The following GPI variants were observed in gnomAD, a reference collection of about 807,000 sequenced individuals.
GPI encodes D-hexose-6-phosphate anomerase.
Under a neutral mutation model 75.8 loss-of-function variants are expected in GPI, and 56 were observed. That is an observed-to-expected ratio of 0.74 (90% CI 0.60 to 0.92). GPI has a LOEUF of 0.92. GPI is among the 40% of genes least tolerant of loss of function. The pLI is 0.00. For synonymous variants in GPI, 288 were observed against 285.4 expected, an observed-to-expected ratio of 1.01 and a Z score of -0.09; for missense variants, 638 against 741.0, an observed-to-expected ratio of 0.86 and a Z score of 1.61.
At chr19:34,374,558 G>GT (rs1444776298) in intron 4 of GPI, among the ~76,000 whole-genome samples, 2 of 152,140 alleles carry the variant, frequency 1.3e-5, no homozygotes, top group African/African-American at 2.4e-5. Context: ...AAGTACAGGT[G>GT]TAGTAGTACC....
intron 4 of GPI, 111 bp from the exon 5 acceptor site, chr19:34,377,392 C>T (rs968595507): frequency 2.9e-5 from 19 of 646,862 alleles, no homozygotes; most frequent in East Asian, 2.3e-4. Context: ...GAGGCACCTG[C>T]GAGGGCCTGA....
At chr19:34,387,369 G>A (rs1053256780) in intron 9 of GPI, among the ~76,000 whole-genome samples, 1 of 152,174 alleles carries the variant, frequency 6.6e-6, no homozygotes, top group Non-Finnish European at 1.5e-5. Flanking sequence ...TGAGTCTGTG[G>A]ATCCAGGCTC....
intron 6 of GPI, among the ~76,000 whole-genome samples, chr19:34,378,660 C>T (rs937810783): frequency 3.9e-5 from 6 of 152,298 alleles, no homozygotes; most frequent in Non-Finnish European, 5.9e-5. Flanking sequence ...CAGCCTGGGC[C>T]GAAGAGAGCC....
chr19:34,368,536 C>T (rs761835706), intron 3 of GPI, 47 bp from the exon 4 acceptor site: 1 of 1,612,062 alleles, frequency 6.2e-7, no homozygotes. Flanking sequence ...AGCATGGCTG[C>T]CTGGGGTTGG....
At position 34,400,720 on chromosome 19, in the gene GPI, G is replaced by A. The variant is rs1421151729; in HGVS notation, c.*684G>A. 1 of 400,492 alleles carries A rather than the reference G, an allele frequency of 2.5e-6. No homozygotes were observed. Among genetic ancestry groups the A allele is most frequent in the Admixed American group, 4.3e-5 (1 of 23,120 alleles). 24.8% of individuals were successfully genotyped at this position (400,492 alleles called of 1,614,324 possible). A position where few individuals can be genotyped will look rare whatever the true frequency, so the allele number is the denominator to read the frequency against. ...GGTAGTTCTTTTGCTTTAAAAGGCA[G>A]ATATTGAAAACTGGAATTTTTTTTT... On this transcript the variant is annotated 3_prime_UTR_variant, in exon 18 of 18. Coordinates refer to ENST00000356487, the MANE Select transcript of GPI (RefSeq NM_000175.5).
Position 34,366,775 on chromosome 19 carries a change from C to T in GPI, c.214-8C>T. 2 of 1,609,808 alleles carry T rather than the reference C, an allele frequency of 1.2e-6. No homozygotes were observed. The highest frequency in any genetic ancestry group is 4.5e-5 in the East Asian group (2 of 44,868). On this transcript the variant is annotated splice_region_variant and splice_polypyrimidine_tract_variant and intron_variant, in intron 2 of 17. Transcript: ENST00000356487. ...GTGGGACCAGGCCTCAGTATCGTCTCTTCCTAGGCCAAGTCCAGGGGCGTG... is the reference window on the plus strand; with the variant it reads ...GTGGGACCAGGCCTCAGTATCGTCTTTTCCTAGGCCAAGTCCAGGGGCGTG...
upstream of GPI, among the ~76,000 whole-genome samples, chr19:34,363,094 G>A (rs112782147): frequency 0.021 from 3,167 of 152,150 alleles, 105 homozygotes; most frequent in African/African-American, 0.073. Flanking sequence ...AGACTAGCCT[G>A]AGCAACATGA....
At chr19:34,362,642 C>T (rs118141457), upstream of GPI, among the ~76,000 whole-genome samples, 2,223 of 152,276 alleles carry the variant, frequency 0.015, 24 homozygotes, top group South Asian at 0.026. Flanking sequence ...TAAAGGGAAT[C>T]GTTGGTTTAC....
chr19:34,381,605 G>A (rs1676922939), intron 9 of GPI, 86 bp downstream of exon 9: 1 of 910,528 alleles, frequency 1.1e-6, no homozygotes, highest in Non-Finnish European at 1.9e-6. Flanking sequence ...TCAGGTCAGT[G>A]TTTATTGAGT....
intron 9 of GPI, among the ~76,000 whole-genome samples, chr19:34,388,217 C>T (rs553961787): frequency 6.6e-6 from 1 of 152,338 alleles, no homozygotes; most frequent in South Asian, 2.1e-4. Context: ...TGGCTCACGC[C>T]TGTCATCCCA....
Position 34,381,526 on chromosome 19 carries a change from A to G in GPI, c.804+7A>G. The G allele has an allele frequency of 1.3e-6, 2 of 1,589,568 alleles. No individual in the cohort carries two copies. The highest frequency in any genetic ancestry group is 2.2e-5 in the South Asian group (2 of 90,524). On this transcript the variant is annotated splice_region_variant and intron_variant, in intron 9 of 17. Transcript: ENST00000356487. Reference sequence around the variant, plus strand: ...CATGTTCGAGTTCTGGGATGTAAGTACAAGCACTTCTGCACTGGGTGAATT... The same window carrying G: ...CATGTTCGAGTTCTGGGATGTAAGTGCAAGCACTTCTGCACTGGGTGAATT...
intron 8 of GPI, 148 bp downstream of exon 8, chr19:34,379,710 C>T (rs1213662865): frequency 2.6e-6 from 2 of 777,496 alleles, no homozygotes; most frequent in African/African-American, 3.4e-5. Context: ...GGCTGCAAGC[C>T]TTCCTTGCCT....
At chr19:34,365,133 GGGGCC>G (rs36206349), upstream of GPI, 79 of 1,251,116 alleles carry the variant, frequency 6.3e-5, no homozygotes, top group African/African-American at 3.6e-4. Context: ...GCTCAGGGGT[GGGGCC>G]GGGCCGGGCC....
At chr19:34,392,314 T>G (rs1342359846) in intron 9 of GPI, 1 of 648 alleles carries the variant, frequency 1.5e-3, no homozygotes, top group African/African-American at 8.2e-3. Context: ...CTGGTACAGG[T>G]GTGAGGATCT....
Position 34,400,166 on chromosome 19 carries a change from C to G in GPI, c.*130C>G. 1 of 964,674 alleles carries G rather than the reference C, an allele frequency of 1.0e-6. No homozygotes were observed. The highest frequency in any genetic ancestry group is 1.6e-6 in the Non-Finnish European group (1 of 608,686). The allele number at this position is 964,674 out of a possible 1,614,324, so 59.8% of individuals were successfully genotyped here. A position where few individuals can be genotyped will look rare whatever the true frequency, so the allele number is the denominator to read the frequency against. ...TGGTTGTGGGCTTGGACCACGAGCC[C>G]TTAGCAGGGAAGGCTGGTCTCCCCC... On this transcript the variant is annotated 3_prime_UTR_variant, in exon 18 of 18. Transcript: ENST00000356487.
chr19:34,369,504 C>G (rs1199215573), intron 4 of GPI, among the ~76,000 whole-genome samples: 2 of 151,854 alleles, frequency 1.3e-5, no homozygotes, highest in African/African-American at 4.8e-5. Flanking sequence ...GTAAGGAGTT[C>G]GAGACCAGCC....
At chr19:34,364,726 T>C, upstream of GPI, 1 of 402,552 alleles carries the variant, frequency 2.5e-6, no homozygotes. Flanking sequence ...ACCCTTTTCA[T>C]CTTGGTTTTC....
chr19:34,399,524 C>G, intron 15 of GPI, 32 bp from the exon 16 acceptor site: 2 of 1,606,750 alleles, frequency 1.2e-6, no homozygotes, highest in Non-Finnish European at 1.7e-6. Flanking sequence ...GATCAGGACT[C>G]TCTTGGAGAC....
Position 34,400,931 on chromosome 19 carries a change from G to GC in GPI, c.*895_*896insC, listed in dbSNP as rs2075012972. The GC allele has an allele frequency of 4.0e-6, 1 of 252,458 alleles. No individual in the cohort carries two copies. Among genetic ancestry groups the GC allele is most frequent in the Non-Finnish European group, 7.5e-6 (1 of 133,902 alleles). 15.6% of individuals were successfully genotyped at this position (252,458 alleles called of 1,614,324 possible). On this transcript the variant is annotated 3_prime_UTR_variant, in exon 18 of 18. Coordinates refer to ENST00000356487, the MANE Select transcript of GPI (RefSeq NM_000175.5). ...AGTAGTGAAGGGGTTTTACCATGTTGGGCAGGCTGGTCTTGAACTCCTGAC... is the reference window on the plus strand; with the variant it reads ...AGTAGTGAAGGGGTTTTACCATGTTGCGGCAGGCTGGTCTTGAACTCCTGAC...
Sources: gnomAD v4.1 joint callset for allele counts (sites outside exome capture counted in the v4.1 genomes callset) on GRCh38, gnomAD v4.1.1 for gene constraint, MANE v1.5 for transcripts, NCBI Gene and HGNC (gene_info 2026-07-23, HGNC 2026-07-21) for gene names.